CADM1: variants seen among roughly 807,000 people sequenced by gnomAD.
CADM1 encodes the protein TSLC-1.
CADM1 carries 15 observed loss-of-function variants against 53.1 expected under a neutral mutation model. The ratio of observed to expected loss-of-function variants is 0.28; its 90% confidence interval spans 0.19 to 0.44. The LOEUF (loss-of-function observed/expected upper bound fraction) is 0.44, where lower values mean the gene tolerates loss of function less well. Among genes scored for constraint, CADM1 ranks in the 20% least tolerant of loss-of-function variants. The probability of loss-of-function intolerance (pLI) is 1.00; values close to 1 mark genes in which losing one functional copy is unlikely to be tolerated. For synonymous variants in CADM1, 281 were observed against 243.0 expected (o/e 1.16, Z -1.45); for missense variants, 434 against 611.3 (o/e 0.71, Z 3.06).
At chr11:115,189,927 C>T (rs950658891) in intron 10 of CADM1, among the ~76,000 whole-genome samples, 1 of 152,164 alleles carries the variant, frequency 6.6e-6, no homozygotes, top group Non-Finnish European at 1.5e-5. Flanking sequence ...ATCAATTGCA[C>T]TTTGAAAAAT....
intron 1 of CADM1, among the ~76,000 whole-genome samples, chr11:115,484,896 G>A (rs1011282825): frequency 6.6e-6 from 1 of 150,704 alleles, no homozygotes; most frequent in African/African-American, 2.4e-5. Flanking sequence ...GCAGTAAGCC[G>A]AGATTATGCC....
At chr11:115,337,993 G>A (rs1321838599) in intron 1 of CADM1, among the ~76,000 whole-genome samples, 1 of 152,110 alleles carries the variant, frequency 6.6e-6, no homozygotes, top group Non-Finnish European at 1.5e-5. Flanking sequence ...ATACTGGTTG[G>A]CCCTAAGTGG....
rs553881546 is a variant in CADM1 at position 115,300,894 on chromosome 11, A to G, written c.125-60474T>C. Among the ~76,000 whole-genome samples the G allele has an allele frequency of 3.3e-5, 5 of 152,222 alleles. No homozygotes were observed. In the East Asian group the frequency reaches 9.7e-4, roughly 29 times the overall value. ...AAAGCTCAATTTAAGGTTGGGCTCCAAATTGCAAAAGTTCCGAGGAGAAGG... is the reference window on the plus strand; with the variant it reads ...AAAGCTCAATTTAAGGTTGGGCTCCGAATTGCAAAAGTTCCGAGGAGAAGG... On this transcript the variant is annotated intron_variant, in intron 1 of 11. Coordinates refer to ENST00000331581, the MANE Select transcript of CADM1 (RefSeq NM_001301043.2).
intron 1 of CADM1, among the ~76,000 whole-genome samples, chr11:115,499,936 TATATATAA>T (rs1213753161): frequency 4.6e-5 from 7 of 152,220 alleles, no homozygotes; most frequent in Non-Finnish European, 7.3e-5. Flanking sequence ...CATATATATG[TATATATAA>T]GTATGTATAT....
chr11:115,388,073 G>T (rs1443004593), intron 1 of CADM1, among the ~76,000 whole-genome samples: 1 of 152,094 alleles, frequency 6.6e-6, no homozygotes, highest in Non-Finnish European at 1.5e-5. Flanking sequence ...AAGAACACAA[G>T]AGACAATCTA....
At chr11:115,344,350 A>G (rs1945523365) in intron 1 of CADM1, among the ~76,000 whole-genome samples, 1 of 152,160 alleles carries the variant, frequency 6.6e-6, no homozygotes, top group African/African-American at 2.4e-5. Flanking sequence ...TCCTTTAACT[A>G]TCATTTCTCT....
intron 11 of CADM1, among the ~76,000 whole-genome samples, chr11:115,178,399 T>C (rs1040238363): frequency 1.3e-5 from 2 of 152,158 alleles, no homozygotes; most frequent in Admixed American, 6.5e-5. Flanking sequence ...TACAAAGCTT[T>C]ATATTTAGAG....
At chr11:115,379,950 T>TATAATA (rs1946532684) in intron 1 of CADM1, among the ~76,000 whole-genome samples, 1 of 152,144 alleles carries the variant, frequency 6.6e-6, no homozygotes, top group South Asian at 2.1e-4. Context: ...CCCTACAGTA[T>TATAATA]AGACTATATA....
chr11:115,439,148 G>T (rs1299960422), intron 1 of CADM1, among the ~76,000 whole-genome samples: 2 of 151,976 alleles, frequency 1.3e-5, no homozygotes, highest in Non-Finnish European at 2.9e-5. Context: ...TCCAGCAAAG[G>T]GCTTTTAGTA....
At chr11:115,240,133 G>T in intron 2 of CADM1, 141 bp downstream of exon 2, 1 of 747,140 alleles carries the variant, frequency 1.3e-6, no homozygotes, top group Non-Finnish European at 2.2e-6. Context: ...ATGATTGCCT[G>T]TCTCTTCTTC....
intron 1 of CADM1, among the ~76,000 whole-genome samples, chr11:115,391,133 A>G (rs1278513093): frequency 6.6e-6 from 1 of 152,236 alleles, no homozygotes; most frequent in Non-Finnish European, 1.5e-5. Context: ...AATCAGTGTG[A>G]ATTAGCGTCT....
chr11:115,214,711 G>A lies in CADM1; in HGVS notation c.891C>T (p.Asn297=). 6.2e-7 allele frequency: 1 copy of A among 1,613,982 alleles called. No homozygotes were observed. Among genetic ancestry groups the A allele is most frequent in the South Asian group, 1.1e-5 (1 of 91,070 alleles). ...TTTTGTTTAGGTTATTGATGAACAG[G>A]TTGGGCCCAGACAGTACGGCGTGTT... ...MPQHAVLSGP[N]LFINNLNKTD... The change falls in exon 7 of 12, where the codon AAC becomes AAT. Residue 297 remains asparagine, a synonymous_variant. Coordinates refer to ENST00000331581, the MANE Select transcript of CADM1 (RefSeq NM_001301043.2).
chr11:115,499,102 T>TA (rs1171405833), intron 1 of CADM1, among the ~76,000 whole-genome samples: 2 of 152,166 alleles, frequency 1.3e-5, no homozygotes, highest in East Asian at 1.9e-4. Context: ...TTTTTTTCTT[T>TA]AAAAAACAAC....
intron 1 of CADM1, among the ~76,000 whole-genome samples, chr11:115,414,194 T>C (rs1433337663): frequency 6.6e-6 from 1 of 152,166 alleles, no homozygotes; most frequent in Non-Finnish European, 1.5e-5. Flanking sequence ...TGGACTTTTA[T>C]TTTCATGAAA....
chr11:115,350,216 C>A (rs1488518635), intron 1 of CADM1, among the ~76,000 whole-genome samples: 5 of 152,192 alleles, frequency 3.3e-5, no homozygotes, highest in African/African-American at 1.2e-4. Flanking sequence ...GGTGATGCAC[C>A]CGCCTCAGCC....
chr11:115,388,186 C>T (rs143379975), intron 1 of CADM1, among the ~76,000 whole-genome samples: 15 of 152,048 alleles, frequency 9.9e-5, no homozygotes, highest in African/African-American at 2.9e-4. Flanking sequence ...TAAGTCAATA[C>T]GACTGACAGA....
intron 5 of CADM1, 184 bp from the exon 6 acceptor site, chr11:115,218,175 T>C (rs1941265951): frequency 3.2e-6 from 2 of 617,710 alleles, no homozygotes; most frequent in Non-Finnish European, 6.0e-6. Context: ...CTAATAACTC[T>C]AAGGAGTGAA....
chr11:115,310,930 T>C (rs1431240584), intron 1 of CADM1, among the ~76,000 whole-genome samples: 3 of 152,210 alleles, frequency 2.0e-5, no homozygotes, highest in African/African-American at 7.2e-5. Flanking sequence ...ATCATTTCAG[T>C]GTTTTGTGCA....
intron 3 of CADM1, among the ~76,000 whole-genome samples, chr11:115,234,021 A>G (rs1161513034): frequency 6.6e-6 from 1 of 152,240 alleles, no homozygotes; most frequent in Non-Finnish European, 1.5e-5. Flanking sequence ...GCGACAGTCC[A>G]GCAGTTGTTA....
Sources: gnomAD v4.1 joint callset for allele counts (sites outside exome capture counted in the v4.1 genomes callset) on GRCh38, gnomAD v4.1.1 for gene constraint, MANE v1.5 for transcripts, NCBI Gene and HGNC (gene_info 2026-07-23, HGNC 2026-07-21) for gene names.